The following RAI14 variants were observed in gnomAD, a reference collection of about 807,000 sequenced individuals.
RAI14 encodes the protein retinoic acid induced 14, also known as ankycorbin.
Under a neutral mutation model 115.4 loss-of-function variants are expected in RAI14, and 45 were observed. The observed-to-expected ratio is 0.39, with a 90% CI of 0.31 to 0.50. The LOEUF is 0.50. Among genes scored for constraint, RAI14 ranks in the 20% least tolerant of loss-of-function variants. The pLI is 0.85. For missense variants in RAI14, 939 were observed against 1,131.2 expected, an observed-to-expected ratio of 0.83 and a Z score of 2.44; for synonymous variants, 371 against 415.4, an observed-to-expected ratio of 0.89 and a Z score of 1.30.
At chr5:34,820,856 T>C (rs1580363620) in intron 13 of RAI14, among the ~76,000 whole-genome samples, 1 of 152,338 alleles carries the variant, frequency 6.6e-6, no homozygotes, top group South Asian at 2.1e-4. Flanking sequence ...CAGGGATTAC[T>C]GTGGGATTCA....
intron 3 of RAI14, among the ~76,000 whole-genome samples, chr5:34,764,049 C>T (rs549753231): frequency 1.7e-4 from 26 of 152,294 alleles, no homozygotes; most frequent in African/African-American, 5.8e-4. Flanking sequence ...TGGTGTTTCA[C>T]CATGTTGCCC....
chr5:34,720,511 T>G (rs377443627), intron 2 of RAI14, among the ~76,000 whole-genome samples: 1 of 147,712 alleles, frequency 6.8e-6, no homozygotes, highest in Admixed American at 6.9e-5. Flanking sequence ...CCCGGGTTCA[T>G]GCCATTCTCC....
chr5:34,671,539 GA>G (rs1420164173), intron 1 of RAI14, among the ~76,000 whole-genome samples: 1 of 151,988 alleles, frequency 6.6e-6, no homozygotes, highest in Non-Finnish European at 1.5e-5. Flanking sequence ...CTATGTGCTT[GA>G]AGGGAAAAAT....
chr5:34,689,256 T>G (rs1738261167), intron 2 of RAI14, among the ~76,000 whole-genome samples: 1 of 151,848 alleles, frequency 6.6e-6, no homozygotes, highest in African/African-American at 2.4e-5. Flanking sequence ...AATTAAAAAA[T>G]TAGCCGCCTA....
chr5:34,680,686 T>C (rs1343191708), intron 1 of RAI14, among the ~76,000 whole-genome samples: 1 of 152,152 alleles, frequency 6.6e-6, no homozygotes, highest in Admixed American at 6.5e-5. Context: ...CAAAATGCCC[T>C]TTCCTCCTTC....
chr5:34,702,143 G>A (rs528459284), intron 2 of RAI14, among the ~76,000 whole-genome samples: 176 of 152,236 alleles, frequency 1.2e-3, no homozygotes, highest in African/African-American at 4.2e-3. Context: ...TCAACACTAT[G>A]ATTTCATTAT....
chr5:34,822,273 T>TATATATATAA (rs1444000889), intron 14 of RAI14, among the ~76,000 whole-genome samples: 25 of 146,260 alleles, frequency 1.7e-4, no homozygotes, highest in African/African-American at 5.7e-4. Flanking sequence ...TATATATATA[T>TATATATATAA]AAAATATTAT....
At chr5:34,819,583 G>A (rs1251610257) in intron 13 of RAI14, among the ~76,000 whole-genome samples, 2 of 152,124 alleles carry the variant, frequency 1.3e-5, no homozygotes, top group East Asian at 3.9e-4. Context: ...TCTTATAAAA[G>A]AGTGCCTCCT....
Position 34,831,288 on chromosome 5 carries a change from T to TA in RAI14, c.*528dup, listed in dbSNP as rs1476872728. The TA allele has an allele frequency of 1.3e-5, 2 of 153,066 alleles. No homozygotes were observed. Among genetic ancestry groups the TA allele is most frequent in the Non-Finnish European group, 2.9e-5 (2 of 68,340 alleles). The allele number at this position is 153,066 out of a possible 1,614,324, so 9.5% of individuals were successfully genotyped here. A position where few individuals can be genotyped will look rare whatever the true frequency, so the allele number is the denominator to read the frequency against. On this transcript the variant is annotated 3_prime_UTR_variant, in exon 18 of 18. Transcript: ENST00000265109. Reference sequence around the variant, plus strand: ...CCTTCATCATGATATCCTGTGGATTTAAAAACTCTAATTCCATGTTTTCTT... The same window carrying TA: ...CCTTCATCATGATATCCTGTGGATTTAAAAAACTCTAATTCCATGTTTTCTT...
intron 2 of RAI14, among the ~76,000 whole-genome samples, chr5:34,694,277 C>T (rs1313410511): frequency 2.6e-5 from 4 of 152,178 alleles, no homozygotes; most frequent in African/African-American, 7.2e-5. Flanking sequence ...ACAAATTCTT[C>T]TATGAACTTC....
intron 13 of RAI14, among the ~76,000 whole-genome samples, chr5:34,819,898 C>T (rs921408094): frequency 2.6e-5 from 4 of 152,128 alleles, no homozygotes; most frequent in African/African-American, 9.7e-5. Flanking sequence ...CCACCACACC[C>T]GGCCCTAGAA....
chr5:34,720,700 G>A lies in RAI14; in HGVS notation c.36+33745G>A, dbSNP rs535411641. On this transcript the variant is annotated intron_variant, in intron 2 of 17. Coordinates refer to ENST00000265109, the MANE Select transcript of RAI14 (RefSeq NM_015577.3). Reference sequence around the variant, plus strand: ...GCTGGGATTACAGGCGTGAGCCACCGCGCCCGGCAGATTTTTTTTTCTACT... The same window carrying A: ...GCTGGGATTACAGGCGTGAGCCACCACGCCCGGCAGATTTTTTTTTCTACT... Among the ~76,000 whole-genome samples, 9 of 152,010 alleles carry A rather than the reference G, an allele frequency of 5.9e-5. No homozygotes were observed. The East Asian group carries it at 7.8e-4, about 13-fold the overall frequency.
At chr5:34,714,068 A>T (rs1238712361) in intron 2 of RAI14, among the ~76,000 whole-genome samples, 3 of 148,434 alleles carry the variant, frequency 2.0e-5, no homozygotes, top group Non-Finnish European at 3.0e-5. Context: ...TCCCAAAGTG[A>T]TGGGATTTCA....
intron 2 of RAI14, among the ~76,000 whole-genome samples, chr5:34,705,707 G>A (rs1740627158): frequency 6.6e-6 from 1 of 152,190 alleles, no homozygotes; most frequent in Non-Finnish European, 1.5e-5. Flanking sequence ...GAGTGCAATG[G>A]TGCGATCTCA....
chr5:34,686,672 T>G (rs1744919465), intron 1 of RAI14, among the ~76,000 whole-genome samples, 200 bp from the exon 2 acceptor site: 1 of 152,160 alleles, frequency 6.6e-6, no homozygotes, highest in African/African-American at 2.4e-5. Context: ...AATTAAGGTT[T>G]TGGTTAATTT....
chr5:34,658,064 C>A (rs1742420128), intron 1 of RAI14, among the ~76,000 whole-genome samples: 1 of 152,130 alleles, frequency 6.6e-6, no homozygotes, highest in Non-Finnish European at 1.5e-5. Flanking sequence ...AGAGCTATCC[C>A]GTGCTGGGCT....
intron 5 of RAI14, among the ~76,000 whole-genome samples, chr5:34,807,291 A>G (rs1257705985): frequency 6.6e-6 from 1 of 152,074 alleles, no homozygotes; most frequent in Non-Finnish European, 1.5e-5. Context: ...GAGGTTGGAG[A>G]GAGGAGGACA....
At chr5:34,772,701 C>A (rs1448372036) in intron 3 of RAI14, among the ~76,000 whole-genome samples, 1 of 152,166 alleles carries the variant, frequency 6.6e-6, no homozygotes, top group Non-Finnish European at 1.5e-5. Flanking sequence ...AGCCTCCTGG[C>A]ATGCTCCCTA....
At chr5:34,747,438 T>C (rs1258978758) in intron 2 of RAI14, among the ~76,000 whole-genome samples, 1 of 152,232 alleles carries the variant, frequency 6.6e-6, no homozygotes, top group Non-Finnish European at 1.5e-5. Flanking sequence ...GGTATGTTTC[T>C]CTTCTCAGAA....
Sources: gnomAD v4.1 joint callset for allele counts (sites outside exome capture counted in the v4.1 genomes callset) on GRCh38, gnomAD v4.1.1 for gene constraint, MANE v1.5 for transcripts, NCBI Gene and HGNC (gene_info 2026-07-23, HGNC 2026-07-21) for gene names.